The following XKR4 variants were observed in gnomAD, a reference collection of about 807,000 sequenced individuals.
The protein encoded by XKR4 is XK related 4.
In XKR4, 12 loss-of-function variants were observed where a neutral mutation model predicts 53.9. The observed-to-expected ratio is 0.22, with a 90% confidence interval of 0.14 to 0.36. The LOEUF is 0.36. Ranked by LOEUF, XKR4 falls within the 10% of genes least tolerant of loss-of-function variation. The pLI, the probability that XKR4 is intolerant of heterozygous loss-of-function variation, is 1.00. For synonymous variants in XKR4, 354 were observed against 362.4 expected (o/e 0.98, Z 0.26); for missense variants, 799 against 859.5 (o/e 0.93, Z 0.88).
chr8:55,418,788 C>T (rs540631316), intron 2 of XKR4, among the ~76,000 whole-genome samples: 2 of 152,306 alleles, frequency 1.3e-5, no homozygotes, highest in Non-Finnish European at 2.9e-5. Flanking sequence ...GACACCTGTC[C>T]AGCTCCTGCC....
rs1222397432 is a variant in XKR4 at position 55,538,863 on chromosome 8, C to T, written c.*14636C>T. ...TCACCCCTAAGATGACACATCTTTA[C>T]AACACAATAAAAGAACGTAAAGCCT... On this transcript the variant is annotated 3_prime_UTR_variant, in exon 3 of 3. Coordinates refer to ENST00000327381, the MANE Select transcript of XKR4 (RefSeq NM_052898.2). 1 of 152,168 alleles carries T rather than the reference C, an allele frequency of 6.6e-6. No homozygotes were observed. Among genetic ancestry groups the T allele is most frequent in the African/African-American group, 2.4e-5 (1 of 41,440 alleles). 9.4% of individuals were successfully genotyped at this position (152,168 alleles called of 1,614,324 possible). A position where few individuals can be genotyped will look rare whatever the true frequency, so the allele number is the denominator to read the frequency against.
intron 1 of XKR4, among the ~76,000 whole-genome samples, chr8:55,310,119 T>TA (rs1340591829): frequency 6.6e-6 from 1 of 151,948 alleles, no homozygotes. Context: ...TTACCCCCTC[T>TA]AAAAAAAGAA....
chr8:55,482,614 G>A (rs10101279), intron 2 of XKR4, among the ~76,000 whole-genome samples: 2 of 151,860 alleles, frequency 1.3e-5, no homozygotes, highest in Admixed American at 6.6e-5. Flanking sequence ...AGTATTATTC[G>A]ATGATTCATT....
At chr8:55,495,044 A>G (rs1221185438) in intron 2 of XKR4, among the ~76,000 whole-genome samples, 8 of 152,138 alleles carry the variant, frequency 5.3e-5, no homozygotes, top group Non-Finnish European at 1.0e-4. Context: ...GCTGTCCTCA[A>G]TACCTGCTTG....
chr8:55,187,844 A>C (rs1300981548), intron 1 of XKR4, among the ~76,000 whole-genome samples: 1 of 152,330 alleles, frequency 6.6e-6, no homozygotes, highest in East Asian at 1.9e-4. Context: ...GTCTCATGAA[A>C]CATGTCCAGG....
intron 1 of XKR4, among the ~76,000 whole-genome samples, chr8:55,165,763 C>A (rs1817056471): frequency 6.7e-6 from 1 of 149,508 alleles, no homozygotes; most frequent in South Asian, 2.1e-4. Context: ...CGAGATTGTG[C>A]CACTGCACTC....
chr8:55,389,082 C>T (rs1804397520), intron 2 of XKR4, among the ~76,000 whole-genome samples: 1 of 152,178 alleles, frequency 6.6e-6, no homozygotes, highest in South Asian at 2.1e-4. Context: ...AACATGCACA[C>T]ACAGGGAGAG....
intron 1 of XKR4, among the ~76,000 whole-genome samples, chr8:55,322,087 A>T (rs1056333847): frequency 6.6e-6 from 1 of 152,204 alleles, no homozygotes; most frequent in African/African-American, 2.4e-5. Context: ...CTCCTCAGTG[A>T]TAACCACTAT....
intron 1 of XKR4, chr8:55,142,177 G>A (rs746786978): frequency 3.9e-5 from 18 of 455,956 alleles, no homozygotes; most frequent in Middle Eastern, 3.2e-4. Flanking sequence ...TCTCCTGAGC[G>A]CTTTGTCTTC....
intron 1 of XKR4, among the ~76,000 whole-genome samples, chr8:55,108,979 A>G (rs1053877444): frequency 1.3e-5 from 2 of 152,186 alleles, no homozygotes; most frequent in Non-Finnish European, 2.9e-5. Flanking sequence ...GATGAGGTAG[A>G]AGAGAAGCCC....
intron 2 of XKR4, among the ~76,000 whole-genome samples, chr8:55,433,314 TAGTG>T (rs563311732): frequency 6.6e-6 from 1 of 152,200 alleles, no homozygotes; most frequent in South Asian, 2.1e-4. Flanking sequence ...CATAAAGTAA[TAGTG>T]AGCCTATACA....
At chr8:55,301,170 G>C in intron 1 of XKR4, among the ~76,000 whole-genome samples, 1 of 92,408 alleles carries the variant, frequency 1.1e-5, no homozygotes, top group Non-Finnish European at 2.0e-5. Flanking sequence ...AACAGACCCC[G>C]GAGTGTGATG....
At chr8:55,431,593 G>A (rs866225704) in intron 2 of XKR4, among the ~76,000 whole-genome samples, 8 of 152,270 alleles carry the variant, frequency 5.3e-5, no homozygotes, top group Non-Finnish European at 7.4e-5. Context: ...TATCGCAGCC[G>A]ATTCTTTGTT....
intron 2 of XKR4, among the ~76,000 whole-genome samples, chr8:55,523,014 C>T (rs1351179339): frequency 2.0e-5 from 3 of 151,972 alleles, no homozygotes; most frequent in Non-Finnish European, 4.4e-5. Context: ...TGGTAGTGGG[C>T]GCCTGTAGTC....
chr8:55,185,619 A>G (rs923342533), intron 1 of XKR4, among the ~76,000 whole-genome samples: 3 of 152,216 alleles, frequency 2.0e-5, no homozygotes, highest in African/African-American at 7.2e-5. Flanking sequence ...TTCAAGTATT[A>G]TTTGGAATTC....
At position 55,176,508 on chromosome 8, in the gene XKR4, A is replaced by G. The variant is rs145831098; in HGVS notation, c.806+73214A>G. The stretch of plus-strand genomic sequence containing the variant: ...AGGAAAACTTTCCAGTTAAATCTTA[A>G]TGTCCGGTCTTTGGAACACAGAATA... On this transcript the variant is annotated intron_variant, in intron 1 of 2. Transcript: ENST00000327381. Among the ~76,000 whole-genome samples, 475 of 152,246 alleles carry G rather than the reference A, an allele frequency of 3.1e-3. 2 individuals carry two copies. The highest frequency in any genetic ancestry group is 0.011 in the African/African-American group (443 of 41,542).
At chr8:55,398,979 T>C (rs1804560889) in intron 2 of XKR4, among the ~76,000 whole-genome samples, 1 of 152,234 alleles carries the variant, frequency 6.6e-6, no homozygotes, top group African/African-American at 2.4e-5. Context: ...TTCATAATAT[T>C]TCAAATTCAA....
intron 1 of XKR4, among the ~76,000 whole-genome samples, chr8:55,316,194 T>A (rs747717063): frequency 1.6e-4 from 25 of 152,188 alleles, no homozygotes; most frequent in Non-Finnish European, 2.9e-4. Context: ...CTAAAGCACG[T>A]TCACAGCCAT....
chr8:55,454,516 C>T, intron 2 of XKR4: 1 of 1,317,052 alleles, frequency 7.6e-7, no homozygotes, highest in Admixed American at 2.0e-5. Context: ...TGATGCCCAG[C>T]TGGCGGAAGA....
Sources: gnomAD v4.1 joint callset for allele counts (sites outside exome capture counted in the v4.1 genomes callset) on GRCh38, gnomAD v4.1.1 for gene constraint, MANE v1.5 for transcripts, NCBI Gene and HGNC (gene_info 2026-07-23, HGNC 2026-07-21) for gene names.